The following STK3 variants were observed in gnomAD, a reference collection of about 807,000 sequenced individuals.
STK3 encodes serine/threonine-protein kinase 3.
Under a neutral mutation model 58.0 loss-of-function variants are expected in STK3, and 41 were observed. That is an observed-to-expected ratio of 0.71 (90% CI 0.55 to 0.92). The LOEUF (loss-of-function observed/expected upper bound fraction) is 0.92, where lower values mean the gene tolerates loss of function less well. STK3 is among the 40% of genes least tolerant of loss of function. The probability of loss-of-function intolerance (pLI) is 0.00; values close to 1 mark genes in which losing one functional copy is unlikely to be tolerated. For synonymous variants in STK3, 170 were observed against 191.0 expected (o/e 0.89, Z 0.91); for missense variants, 479 against 602.7 (o/e 0.79, Z 2.15).
At chr8:98,619,252 G>A (rs111632097) in intron 6 of STK3, among the ~76,000 whole-genome samples, 2 of 149,862 alleles carry the variant, frequency 1.3e-5, no homozygotes, top group Non-Finnish European at 3.0e-5. Flanking sequence ...TGGGAAAACT[G>A]GCTAGCCATA....
chr8:98,885,599 C>T (rs540479931), intron 1 of STK3, among the ~76,000 whole-genome samples: 4 of 152,098 alleles, frequency 2.6e-5, no homozygotes, highest in Admixed American at 6.5e-5. Flanking sequence ...GCCACCAGGC[C>T]GGCTAATTTT....
intron 6 of STK3, among the ~76,000 whole-genome samples, chr8:98,612,435 T>C (rs1357237356): frequency 6.7e-6 from 1 of 149,754 alleles, no homozygotes; most frequent in Non-Finnish European, 1.5e-5. Context: ...TATACATATA[T>C]ATCAATTCTA....
chr8:98,470,748 A>T (rs1385149318), intron 10 of STK3, among the ~76,000 whole-genome samples: 1 of 152,192 alleles, frequency 6.6e-6, no homozygotes, highest in East Asian at 1.9e-4. Flanking sequence ...GTGACAGCAT[A>T]AGCTTCCCCA....
intron 1 of STK3, among the ~76,000 whole-genome samples, chr8:98,888,543 C>G (rs1300083010): frequency 1.3e-5 from 2 of 152,174 alleles, no homozygotes; most frequent in East Asian, 3.9e-4. Flanking sequence ...AACATTTTCT[C>G]CAAAGTAAAT....
intron 3 of STK3, among the ~76,000 whole-genome samples, chr8:98,754,501 A>AACT (rs1554669189): frequency 6.8e-6 from 1 of 147,456 alleles, no homozygotes; most frequent in African/African-American, 2.5e-5. Context: ...AAAAAAAAAA[A>AACT]CTCTCTCTCT....
chr8:98,460,754 C>T (rs1819894321), intron 10 of STK3, among the ~76,000 whole-genome samples: 1 of 152,128 alleles, frequency 6.6e-6, no homozygotes, highest in Non-Finnish European at 1.5e-5. Flanking sequence ...CTTTCTCCTT[C>T]ACTCTCTACT....
intron 1 of STK3, among the ~76,000 whole-genome samples, chr8:98,819,099 A>G (rs989494369): frequency 6.6e-6 from 1 of 152,182 alleles, no homozygotes; most frequent in Non-Finnish European, 1.5e-5. Context: ...CTGGGATTAC[A>G]GGCGTGAGCC....
At chr8:98,529,540 T>A (rs1234496065) in intron 9 of STK3, among the ~76,000 whole-genome samples, 3 of 152,226 alleles carry the variant, frequency 2.0e-5, no homozygotes, top group South Asian at 2.1e-4. Flanking sequence ...TTTAAAAAAA[T>A]TTTTATAAGA....
intron 3 of STK3, among the ~76,000 whole-genome samples, chr8:98,870,680 G>A (rs1837337734): frequency 6.6e-6 from 1 of 152,142 alleles, no homozygotes; most frequent in Non-Finnish European, 1.5e-5. Flanking sequence ...CCCACTTTTT[G>A]TTGGGGTTGT....
At chr8:98,504,507 T>C (rs925998645) in intron 10 of STK3, among the ~76,000 whole-genome samples, 6 of 152,226 alleles carry the variant, frequency 3.9e-5, no homozygotes, top group African/African-American at 1.2e-4. Context: ...CAATTTGGCA[T>C]GTTTTTGCAG....
chr8:98,792,953 A>G (rs1232153435), intron 1 of STK3, among the ~76,000 whole-genome samples: 9 of 150,340 alleles, frequency 6.0e-5, no homozygotes, highest in East Asian at 2.0e-4. Flanking sequence ...ATATATGTGT[A>G]TGTGTGTGTG....
chr8:98,525,956 C>T (rs965846355), intron 10 of STK3, among the ~76,000 whole-genome samples: 1 of 151,290 alleles, frequency 6.6e-6, no homozygotes, highest in Non-Finnish European at 1.5e-5. Flanking sequence ...ATAAATAAAA[C>T]TATAAAGGAT....
intron 10 of STK3, among the ~76,000 whole-genome samples, chr8:98,479,116 C>T (rs1389978062): frequency 1.3e-5 from 2 of 151,924 alleles, no homozygotes; most frequent in African/African-American, 2.4e-5. Context: ...ACTCCACCTG[C>T]ATGAAGACAT....
downstream of STK3, among the ~76,000 whole-genome samples, chr8:98,369,616 G>A (rs1817592595): frequency 6.6e-6 from 1 of 152,140 alleles, no homozygotes; most frequent in Non-Finnish European, 1.5e-5. Flanking sequence ...CTTGCACTGG[G>A]AGCTCCCTTG....
chr8:98,362,223 G>A, the STK3 span, among the ~76,000 whole-genome samples: 1 of 152,120 alleles, frequency 6.6e-6, no homozygotes, highest in African/African-American at 2.4e-5. Flanking sequence ...ACGAGCTTGG[G>A]TGAAGCTTGC....
intron 2 of STK3, among the ~76,000 whole-genome samples, chr8:98,373,787 C>A (rs1817641154): frequency 6.6e-6 from 1 of 152,110 alleles, no homozygotes. Context: ...TCCTTATGAC[C>A]ACACAGGAGT....
chr8:98,916,897 G>GAA (rs1839365531), intron 1 of STK3, among the ~76,000 whole-genome samples: 2 of 152,178 alleles, frequency 1.3e-5, no homozygotes, highest in Non-Finnish European at 2.9e-5. Flanking sequence ...TTCTAGGTTA[G>GAA]TCAGTCCTTT....
intron 3 of STK3, among the ~76,000 whole-genome samples, chr8:98,842,776 G>C (rs764263195): frequency 6.6e-6 from 1 of 150,988 alleles, no homozygotes; most frequent in African/African-American, 2.4e-5. Context: ...CGAGGCAGGT[G>C]GATTGTTTGA....
chr8:98,846,519 G>T (rs1356633787), intron 3 of STK3, among the ~76,000 whole-genome samples: 3 of 152,214 alleles, frequency 2.0e-5, no homozygotes, highest in South Asian at 4.1e-4. Flanking sequence ...ATAAGTCTTT[G>T]CCCCCTTGGT....
Sources: gnomAD v4.1 joint callset for allele counts (sites outside exome capture counted in the v4.1 genomes callset) on GRCh38, gnomAD v4.1.1 for gene constraint, MANE v1.5 for transcripts, NCBI Gene and HGNC (gene_info 2026-07-23, HGNC 2026-07-21) for gene names.